The following SCARA5 variants were observed in gnomAD, a reference collection of about 807,000 sequenced individuals.
The protein encoded by SCARA5 is scavenger receptor class A, member 5 (putative).
Under a neutral mutation model 46.3 loss-of-function variants are expected in SCARA5, and 45 were observed. The observed-to-expected ratio is 0.97, with a 90% CI of 0.76 to 1.24. The LOEUF (loss-of-function observed/expected upper bound fraction) is 1.24, where lower values mean the gene tolerates loss of function less well. SCARA5 is among the 50% of genes most tolerant of loss of function. The pLI, the probability that SCARA5 is intolerant of heterozygous loss-of-function variation, is 0.00. For synonymous variants in SCARA5, 333 were observed against 306.5 expected (o/e 1.09, Z -0.90); for missense variants, 680 against 689.0 (o/e 0.99, Z 0.15).
intron 3 of SCARA5, among the ~76,000 whole-genome samples, chr8:27,947,938 C>G (rs1240047786): frequency 6.6e-6 from 1 of 152,024 alleles, no homozygotes. Flanking sequence ...GAAGACAAAT[C>G]CATAGAGACA....
intron 7 of SCARA5, among the ~76,000 whole-genome samples, chr8:27,884,758 T>C (rs1806867260): frequency 6.6e-6 from 1 of 152,232 alleles, no homozygotes; most frequent in Non-Finnish European, 1.5e-5. Flanking sequence ...ATCAGACAGC[T>C]GTGGATACAC....
intron 3 of SCARA5, among the ~76,000 whole-genome samples, chr8:27,958,870 T>G (rs1310650418): frequency 6.6e-6 from 1 of 152,134 alleles, no homozygotes; most frequent in African/African-American, 2.4e-5. Flanking sequence ...TCTGACCTGA[T>G]CATTGAGGGC....
chr8:27,973,948 A>C (rs914078407), intron 2 of SCARA5, among the ~76,000 whole-genome samples: 1 of 152,212 alleles, frequency 6.6e-6, no homozygotes, highest in Non-Finnish European at 1.5e-5. Flanking sequence ...CGGGAGCAAG[A>C]ATACCCCAAA....
At chr8:27,914,096 C>T (rs13265219) in intron 4 of SCARA5, among the ~76,000 whole-genome samples, 33,051 of 152,016 alleles carry the variant, frequency 0.22, 3,970 homozygotes, top group Middle Eastern at 0.3. Flanking sequence ...TTGCTGTTCT[C>T]GTGATAGTGA....
At chr8:27,965,917 C>A (rs1808362042) in intron 3 of SCARA5, among the ~76,000 whole-genome samples, 1 of 152,218 alleles carries the variant, frequency 6.6e-6, no homozygotes, top group African/African-American at 2.4e-5. Flanking sequence ...AGCCCTAGCC[C>A]ATCGCCTGCC....
intron 3 of SCARA5, among the ~76,000 whole-genome samples, chr8:27,950,462 G>A (rs548453790): frequency 6.1e-4 from 93 of 152,112 alleles, no homozygotes; most frequent in Non-Finnish European, 1.1e-3. Context: ...ACCTAATGCC[G>A]GCAAGCAACC....
At chr8:27,988,732 C>T (rs1424292734) in intron 1 of SCARA5, among the ~76,000 whole-genome samples, 1 of 152,180 alleles carries the variant, frequency 6.6e-6, no homozygotes, top group East Asian at 1.9e-4. Flanking sequence ...AAATTATTCT[C>T]TACTTTCATC....
At chr8:27,973,695 T>G (rs1335507929) in intron 2 of SCARA5, among the ~76,000 whole-genome samples, 1 of 152,112 alleles carries the variant, frequency 6.6e-6, no homozygotes, top group Non-Finnish European at 1.5e-5. Context: ...GATTCAGTGG[T>G]GAAATCACAG....
chr8:27,921,878 C>T lies in SCARA5; in HGVS notation c.609G>A (p.Ala203=), dbSNP rs747177853. The T allele has an allele frequency of 1.3e-5, 19 of 1,496,468 alleles. No homozygotes were observed. The highest frequency in any genetic ancestry group is 8.0e-5 in the South Asian group (6 of 74,778). 92.7% of individuals were successfully genotyped at this position (1,496,468 alleles called of 1,614,324 possible). Residue 203 remains alanine, a synonymous_variant, in exon 4 of 9, where the codon GCG becomes GCA. Transcript: ENST00000354914. ...NSSQLLLRRH[A]GLLDGLARRV... ...TGCGCGCCAGCCCGTCCAGCAGGCC[C>T]GCGTGGCGCCTCAGCAGCAGCTGGC...
At chr8:27,880,042 C>T (rs1410870181) in intron 7 of SCARA5, among the ~76,000 whole-genome samples, 1 of 152,178 alleles carries the variant, frequency 6.6e-6, no homozygotes, top group African/African-American at 2.4e-5. Context: ...AACAAAGCTA[C>T]ACACCTACAG....
chr8:27,921,761 G>C lies in SCARA5; in HGVS notation c.726C>G (p.Arg242=). The C allele has an allele frequency of 3.2e-6, 5 of 1,579,974 alleles. No individual in the cohort carries two copies. Among genetic ancestry groups the C allele is most frequent in the Non-Finnish European group, 4.3e-6 (5 of 1,166,282 alleles). The part of the protein sequence containing the change: ...HSLSYDVALH[R]TRLQDLRVLV... ...GCACCCGCAGGTCCTGCAGCCGCGT[G>C]CGGTGGAGGGCCACGTCGTAGGACA... Residue 242 remains arginine (R), a synonymous_variant, in exon 4 of 9, where the codon CGC becomes CGG. Coordinates refer to ENST00000354914, the MANE Select transcript of SCARA5 (RefSeq NM_173833.6).
At position 27,987,429 on chromosome 8, in the gene SCARA5, G is replaced by T. The variant is rs543043441; in HGVS notation, c.112+75C>A. ...ACAAGCACTTAAAGGCAATGCCAAGGTTGGGTGGTGGTAGGGCTCCTTCCC... is the reference window on the plus strand; with the variant it reads ...ACAAGCACTTAAAGGCAATGCCAAGTTTGGGTGGTGGTAGGGCTCCTTCCC... On this transcript the variant is annotated intron_variant, in intron 2 of 8. Coordinates refer to ENST00000354914, the MANE Select transcript of SCARA5 (RefSeq NM_173833.6). 3.6e-4 allele frequency: 339 copies of T among 939,910 alleles called. 2 individuals are homozygous for T. Among genetic ancestry groups the T allele is most frequent in the South Asian group, 2.9e-3 (224 of 77,034 alleles). 58.2% of individuals were successfully genotyped at this position (939,910 alleles called of 1,614,324 possible).
chr8:27,966,405 T>G lies in SCARA5; in HGVS notation c.241+9A>C, dbSNP rs1347082897. The G allele has an allele frequency of 6.3e-7, 1 of 1,593,040 alleles. No homozygotes were observed. Among genetic ancestry groups the G allele is most frequent in the South Asian group, 1.2e-5 (1 of 86,934 alleles). On this transcript the variant is annotated intron_variant, in intron 3 of 8. Coordinates refer to ENST00000354914, the MANE Select transcript of SCARA5 (RefSeq NM_173833.6). ...CCAAAAGACCAGGACAAAAATGGCC[T>G]GCTCTTACCTGCTAAGATGAAGATG...
At chr8:27,985,739 C>G (rs1808695988) in intron 2 of SCARA5, among the ~76,000 whole-genome samples, 1 of 152,206 alleles carries the variant, frequency 6.6e-6, no homozygotes, top group Admixed American at 6.5e-5. Flanking sequence ...CTCCACACCT[C>G]TCAACCTCTG....
intron 2 of SCARA5, among the ~76,000 whole-genome samples, chr8:27,977,820 G>A (rs749803820): frequency 6.6e-6 from 1 of 152,176 alleles, no homozygotes; most frequent in Non-Finnish European, 1.5e-5. Flanking sequence ...CATTTGCTTC[G>A]AGCACAGGAA....
chr8:27,958,485 T>C (rs1808240351), intron 3 of SCARA5, among the ~76,000 whole-genome samples: 1 of 152,134 alleles, frequency 6.6e-6, no homozygotes, highest in Non-Finnish European at 1.5e-5. Context: ...CCTCCCAGGA[T>C]ACAAGGGGTG....
Position 27,879,750 on chromosome 8 carries a change from C to T in SCARA5, c.1170G>A (p.Pro390=), listed in dbSNP as rs141850473. The T allele has an allele frequency of 8.1e-6, 13 of 1,612,866 alleles. No homozygotes were observed. The African/African-American group carries it at 1.3e-4, about 17-fold the overall frequency. ...AGCCATTCACCAGGCGGATCATCAT[C>T]GGGGCCTCCACGCCACCTGCCGGAG... ...RAGDASGVEA[P]MMIRLVNGSG... is the part of the protein sequence containing the mutation. Residue 390 remains proline, a synonymous_variant, in exon 8 of 9, where the codon CCG becomes CCA. Coordinates refer to ENST00000354914, the MANE Select transcript of SCARA5 (RefSeq NM_173833.6).
intron 7 of SCARA5, among the ~76,000 whole-genome samples, chr8:27,891,198 TG>T (rs149286009): frequency 0.019 from 1,290 of 66,496 alleles, 34 homozygotes; most frequent in Admixed American, 0.12. Context: ...ACAATAGGTT[TG>T]TTTTTTTTTT....
At chr8:27,974,484 T>A (rs1808493543) in intron 2 of SCARA5, among the ~76,000 whole-genome samples, 1 of 151,784 alleles carries the variant, frequency 6.6e-6, no homozygotes, top group Non-Finnish European at 1.5e-5. Flanking sequence ...GATTCCATTG[T>A]TACCTCCTTG....
Sources: allele counts gnomAD v4.1 joint callset (sites outside exome capture counted in the v4.1 genomes callset), GRCh38; gene constraint gnomAD v4.1.1; transcripts MANE v1.5; gene names NCBI Gene and HGNC (gene_info 2026-07-23, HGNC 2026-07-21).